Variants in AGBL4 observed in about 807,000 individuals in gnomAD.
The protein encoded by AGBL4 is AGBL carboxypeptidase 4, also known as cytosolic carboxypeptidase 6.
A neutral mutation model predicts 66.4 loss-of-function variants in AGBL4; 58 were observed. The ratio of observed to expected loss-of-function variants is 0.87; its 90% CI spans 0.71 to 1.09. The LOEUF (loss-of-function observed/expected upper bound fraction) is 1.09. Ranked by LOEUF, AGBL4 falls within the 50% of genes least tolerant of loss-of-function variation. The pLI, the probability that AGBL4 is intolerant of heterozygous loss-of-function variation, is 0.00. For synonymous variants in AGBL4, 234 were observed against 222.9 expected (o/e 1.05, Z -0.44); for missense variants, 579 against 631.0 (o/e 0.92, Z 0.88).
chr1:49,698,168 T>C (rs1647022331), intron 2 of AGBL4, among the ~76,000 whole-genome samples: 1 of 152,126 alleles, frequency 6.6e-6, no homozygotes, highest in Admixed American at 6.6e-5. Context: ...GGTACTGAAT[T>C]TGGAGTCAGA....
At chr1:48,924,678 A>T (rs1253579958) in intron 5 of AGBL4, among the ~76,000 whole-genome samples, 1 of 152,202 alleles carries the variant, frequency 6.6e-6, no homozygotes, top group Non-Finnish European at 1.5e-5. Context: ...AATATCAATT[A>T]ATATACATAT....
chr1:48,851,432 G>C (rs955051140), intron 6 of AGBL4, among the ~76,000 whole-genome samples: 1 of 152,204 alleles, frequency 6.6e-6, no homozygotes, highest in Non-Finnish European at 1.5e-5. Flanking sequence ...GCAGGGGCCA[G>C]AGCATGGAAG....
chr1:49,114,669 T>C (rs1333700810), intron 4 of AGBL4, among the ~76,000 whole-genome samples: 1 of 152,182 alleles, frequency 6.6e-6, no homozygotes, highest in Non-Finnish European at 1.5e-5. Flanking sequence ...CATGTGACTC[T>C]TCCTTTCATT....
chr1:49,005,980 G>A (rs974992580), intron 5 of AGBL4, among the ~76,000 whole-genome samples: 5 of 152,070 alleles, frequency 3.3e-5, no homozygotes, highest in Admixed American at 1.3e-4. Flanking sequence ...CAGCCTAGGC[G>A]ACAGAGTGAG....
chr1:48,665,807 T>C (rs1049771793), intron 6 of AGBL4, among the ~76,000 whole-genome samples: 4 of 152,210 alleles, frequency 2.6e-5, no homozygotes, highest in Non-Finnish European at 4.4e-5. Context: ...TAAAAGACAC[T>C]GTCTAACACT....
intron 3 of AGBL4, among the ~76,000 whole-genome samples, chr1:49,425,942 C>T (rs115857441): frequency 0.015 from 2,321 of 152,312 alleles, 29 homozygotes; most frequent in Non-Finnish European, 0.024. Flanking sequence ...TCTGTGACGC[C>T]TGGCAAGTTC....
intron 6 of AGBL4, chr1:48,727,630 C>G (rs539831020): frequency 3.6e-6 from 1 of 275,134 alleles, no homozygotes; most frequent in East Asian, 6.4e-5. Context: ...GCAACTCAGG[C>G]AACCTTATCC....
chr1:49,362,313 C>A (rs1245139138), intron 3 of AGBL4, among the ~76,000 whole-genome samples: 1 of 152,050 alleles, frequency 6.6e-6, no homozygotes, highest in Non-Finnish European at 1.5e-5. Flanking sequence ...ACCAGCCTCT[C>A]AAATTTATAA....
intron 2 of AGBL4, among the ~76,000 whole-genome samples, chr1:49,826,454 C>T (rs1220557594): frequency 6.6e-6 from 1 of 151,820 alleles, no homozygotes; most frequent in Non-Finnish European, 1.5e-5. Context: ...AAGATGAAGG[C>T]ATTGAGTCAA....
intron 3 of AGBL4, among the ~76,000 whole-genome samples, chr1:49,519,990 G>C (rs1650128185): frequency 6.6e-6 from 1 of 152,038 alleles, no homozygotes; most frequent in South Asian, 2.1e-4. Flanking sequence ...CCCAGTAGTG[G>C]TTTAAAAATA....
intron 2 of AGBL4, among the ~76,000 whole-genome samples, chr1:49,754,756 G>A (rs1445383681): frequency 1.3e-5 from 2 of 152,170 alleles, no homozygotes; most frequent in Non-Finnish European, 2.9e-5. Flanking sequence ...AGAGCCATTA[G>A]CAGGAACATT....
chr1:49,237,721 A>T (rs79435303), intron 4 of AGBL4, among the ~76,000 whole-genome samples: 1 of 151,828 alleles, frequency 6.6e-6, no homozygotes, highest in East Asian at 1.9e-4. Flanking sequence ...CAATGTTATA[A>T]TTTTTGCTTC....
At chr1:49,004,798 C>T (rs1661652735) in intron 5 of AGBL4, among the ~76,000 whole-genome samples, 1 of 152,108 alleles carries the variant, frequency 6.6e-6, no homozygotes, top group Non-Finnish European at 1.5e-5. Context: ...GACAACTTCA[C>T]CTCAGAAAAA....
intron 6 of AGBL4, among the ~76,000 whole-genome samples, chr1:48,821,572 A>G (rs1175685806): frequency 6.6e-6 from 1 of 152,140 alleles, no homozygotes; most frequent in African/African-American, 2.4e-5. Flanking sequence ...GATGAAAATA[A>G]CAGACACTGG....
intron 4 of AGBL4, among the ~76,000 whole-genome samples, chr1:49,082,774 A>T (rs932023928): frequency 6.6e-6 from 1 of 152,204 alleles, no homozygotes; most frequent in African/African-American, 2.4e-5. Flanking sequence ...TTTCAACACT[A>T]ACTTAAAAGT....
intron 3 of AGBL4, among the ~76,000 whole-genome samples, chr1:49,498,493 C>T (rs922538219): frequency 6.6e-6 from 1 of 151,460 alleles, no homozygotes; most frequent in Admixed American, 6.6e-5. Context: ...TCCAGGTTGT[C>T]ACAAATTACA....
At chr1:49,492,991 A>G (rs1238963951) in intron 3 of AGBL4, among the ~76,000 whole-genome samples, 1 of 151,978 alleles carries the variant, frequency 6.6e-6, no homozygotes, top group Non-Finnish European at 1.5e-5. Context: ...ACATGGCAGC[A>G]GCAAGAAGAA....
At chr1:49,579,268 C>G (rs1644496575) in intron 3 of AGBL4, among the ~76,000 whole-genome samples, 1 of 152,064 alleles carries the variant, frequency 6.6e-6, no homozygotes, top group Admixed American at 6.6e-5. Flanking sequence ...AGTTCTGTTC[C>G]TCTAGAGAAC....
chr1:48,740,811 T>C (rs1259877323), intron 6 of AGBL4, among the ~76,000 whole-genome samples: 1 of 152,216 alleles, frequency 6.6e-6, no homozygotes, highest in Non-Finnish European at 1.5e-5. Flanking sequence ...TTCTGGGATG[T>C]GGAGATGCTG....
Sources: gnomAD v4.1 joint callset for allele counts (sites outside exome capture counted in the v4.1 genomes callset) on GRCh38, gnomAD v4.1.1 for gene constraint, MANE v1.5 for transcripts, NCBI Gene and HGNC (gene_info 2026-07-23, HGNC 2026-07-21) for gene names.